The following ACVR1 variants were observed in gnomAD, a reference collection of about 807,000 sequenced individuals.
ACVR1 encodes the protein activin A receptor type 1.
ACVR1 carries 38 observed loss-of-function variants against 57.1 expected under a neutral mutation model. The observed-to-expected ratio is 0.67, with a 90% CI of 0.51 to 0.87. ACVR1 has a LOEUF of 0.87. Ranked by LOEUF, ACVR1 falls within the 40% of genes least tolerant of loss-of-function variation. The pLI is 0.00. For synonymous variants in ACVR1, 212 were observed against 228.1 expected (o/e 0.93, Z 0.63); for missense variants, 463 against 638.2 (o/e 0.73, Z 2.96).
Position 157,875,860 on chromosome 2 carries a change from C to T in ACVR1, c.-247G>A. 6.7e-6 allele frequency: 1 copy of T among 148,594 alleles called. No homozygotes were observed. The highest frequency in any genetic ancestry group is 1.5e-5 in the Non-Finnish European group (1 of 66,470). 9.2% of individuals were successfully genotyped at this position (148,594 alleles called of 1,614,324 possible). ...CGGAGTGCGAGGCAGCCGGGCGCTG[C>T]AGGTCGGCGCGGCGCGGGGCGGCGC... On this transcript the variant is annotated 5_prime_UTR_variant, in exon 1 of 11. Transcript: ENST00000434821.
intron 3 of ACVR1, among the ~76,000 whole-genome samples, chr2:157,792,678 G>C (rs755400612): frequency 6.6e-6 from 1 of 152,078 alleles, no homozygotes; most frequent in Non-Finnish European, 1.5e-5. Flanking sequence ...TTTAAGACAA[G>C]GTTTCTTTCT....
chr2:157,826,115 T>G (rs1258969188), intron 1 of ACVR1, among the ~76,000 whole-genome samples: 1 of 152,188 alleles, frequency 6.6e-6, no homozygotes, highest in East Asian at 1.9e-4. Flanking sequence ...CAGGCACTTT[T>G]ACAAGAGTTC....
At chr2:157,749,330 C>T (rs1685092322) in intron 9 of ACVR1, among the ~76,000 whole-genome samples, 1 of 152,182 alleles carries the variant, frequency 6.6e-6, no homozygotes, top group South Asian at 2.1e-4. Flanking sequence ...TTGACAAGTG[C>T]TTCTTTAACT....
intron 3 of ACVR1, among the ~76,000 whole-genome samples, chr2:157,792,895 T>C (rs1046633893): frequency 6.6e-6 from 1 of 152,202 alleles, no homozygotes; most frequent in African/African-American, 2.4e-5. Flanking sequence ...TGTCTTACAC[T>C]ATCTTGGAAT....
In ACVR1 at chr2:157,772,985, G is replaced by A. The variant is rs570085008; in HGVS notation, c.643+1103C>T. Among the ~76,000 whole-genome samples the A allele has an allele frequency of 1.9e-4, 29 of 152,216 alleles. No individual in the cohort carries two copies. The South Asian group carries it at 6.0e-3, about 32-fold the overall frequency. On this transcript the variant is annotated intron_variant, in intron 6 of 10. Transcript: ENST00000434821. ...AGACTGGGGGTGTCCCTCTTTCCAT[G>A]AAAACAAGAAGAAAATCTGGAGAAC...
intron 2 of ACVR1, among the ~76,000 whole-genome samples, chr2:157,813,655 G>A (rs951845003): frequency 1.3e-5 from 2 of 152,154 alleles, no homozygotes; most frequent in African/African-American, 4.8e-5. Flanking sequence ...TAGAACCACA[G>A]GACAGAAGGA....
chr2:157,778,869 CT>C (rs2105278947), intron 4 of ACVR1, among the ~76,000 whole-genome samples: 1 of 152,304 alleles, frequency 6.6e-6, no homozygotes, highest in Non-Finnish European at 1.5e-5. Context: ...CATTCATTCA[CT>C]GATTCACTCC....
In ACVR1 at chr2:157,774,179, C is replaced by A. The variant is rs41265129; in HGVS notation, c.552G>T (p.Leu184Phe). The change falls in exon 6 of 11, where the codon TTG becomes TTT. Residue 184 changes from leucine to phenylalanine, a missense_variant. This residue lies in a region of ACVR1 where 203 missense variants were observed against 235.5 expected (regional missense o/e 0.86). Transcript: ENST00000434821. ...NVGDSTLADL[L>F]DHSCTSGSGS... is the part of the protein sequence containing the mutation. ...CACTTCCTGATGTACACGAATGATC[C>A]AATAAATCCTGTGGTTTAAGACAAG... 1.9e-6 allele frequency: 3 copies of A among 1,613,774 alleles called. No homozygotes were observed. Among genetic ancestry groups the A allele is most frequent in the Non-Finnish European group, 2.5e-6 (3 of 1,179,780 alleles).
chr2:157,764,919 T>C (rs1685806547), intron 8 of ACVR1, among the ~76,000 whole-genome samples: 1 of 152,136 alleles, frequency 6.6e-6, no homozygotes, highest in South Asian at 2.1e-4. Context: ...GAAATAAATT[T>C]TCCTAACATG....
At position 157,773,954 on chromosome 2, in the gene ACVR1, T is replaced by C. The variant is rs12105359; in HGVS notation, c.643+134A>G. ...GTGCTCCAACATTAGTCATACAGAA[T>C]AGAGACCACATCTCATAAGTTTAAT... On this transcript the variant is annotated intron_variant, in intron 6 of 10. Transcript: ENST00000434821. 4.0e-3 allele frequency: 2,954 copies of C among 736,872 alleles called. 71 individuals carry two copies. In the African/African-American group the frequency reaches 0.046, roughly 12 times the overall value. 45.6% of individuals were successfully genotyped at this position (736,872 alleles called of 1,614,324 possible).
intron 7 of ACVR1, among the ~76,000 whole-genome samples, chr2:157,766,477 C>A (rs557817786): frequency 9.0e-4 from 137 of 152,288 alleles, no homozygotes; most frequent in Non-Finnish European, 9.6e-4. Flanking sequence ...GCAATAATAT[C>A]TTTGTGCTCA....
chr2:157,738,696 A>C, intron 9 of ACVR1, 126 bp from the exon 10 acceptor site: 3 of 1,437,942 alleles, frequency 2.1e-6, no homozygotes, highest in Non-Finnish European at 2.9e-6. Context: ...CTCATACCTC[A>C]GGGCAGTCCT....
intron 1 of ACVR1, among the ~76,000 whole-genome samples, chr2:157,850,715 G>A (rs936802553): frequency 2.0e-5 from 3 of 152,170 alleles, no homozygotes; most frequent in Non-Finnish European, 2.9e-5. Context: ...TCAGCACTTT[G>A]GGAGGCCAAG....
chr2:157,850,049 G>A (rs971269578), intron 1 of ACVR1, among the ~76,000 whole-genome samples: 1 of 152,198 alleles, frequency 6.6e-6, no homozygotes, highest in Non-Finnish European at 1.5e-5. Context: ...GGTCAGCAAA[G>A]AATGAAGTCA....
intron 6 of ACVR1, among the ~76,000 whole-genome samples, chr2:157,773,233 A>G (rs1259161490): frequency 3.9e-5 from 6 of 152,218 alleles, no homozygotes; most frequent in Non-Finnish European, 1.5e-5. Flanking sequence ...CATAAAAGTA[A>G]AGCTAACAAA....
At chr2:157,777,198 T>C (rs909937061) in intron 5 of ACVR1, among the ~76,000 whole-genome samples, 3 of 152,212 alleles carry the variant, frequency 2.0e-5, no homozygotes, top group Admixed American at 6.5e-5. Flanking sequence ...TAGAAGGAGA[T>C]AGTCATTTTT....
intron 1 of ACVR1, among the ~76,000 whole-genome samples, chr2:157,824,897 G>A (rs1294520363): frequency 6.6e-6 from 1 of 152,124 alleles, no homozygotes; most frequent in African/African-American, 2.4e-5. Flanking sequence ...GGGATTACAG[G>A]CGTATGCCAC....
chr2:157,806,304 T>C (rs1318655675), intron 2 of ACVR1, among the ~76,000 whole-genome samples: 1 of 151,886 alleles, frequency 6.6e-6, no homozygotes, highest in Non-Finnish European at 1.5e-5. Flanking sequence ...AATCATCTCC[T>C]CCCTCCCACT....
chr2:157,799,294 A>C, intron 3 of ACVR1, 133 bp downstream of exon 3: 1 of 663,550 alleles, frequency 1.5e-6, no homozygotes, highest in Non-Finnish European at 2.7e-6. Context: ...CCTTCAAAAT[A>C]GTCAATAATC....
Sources: gnomAD v4.1 joint callset for allele counts (sites outside exome capture counted in the v4.1 genomes callset) on GRCh38, gnomAD v4.1.1 for gene constraint, gnomAD v4.1.1 regional missense constraint, MANE v1.5 for transcripts, NCBI Gene and HGNC (gene_info 2026-07-23, HGNC 2026-07-21) for gene names.